The following WASL variants were observed in gnomAD, a reference collection of about 807,000 sequenced individuals.
WASL encodes the protein actin nucleation-promoting factor WASL.
Under a neutral mutation model 55.5 loss-of-function variants are expected in WASL, and 20 were observed. That is an observed-to-expected ratio of 0.36 (90% CI 0.25 to 0.52). WASL has a LOEUF of 0.52. Ranked by LOEUF, WASL falls within the 20% of genes least tolerant of loss-of-function variation. WASL has a pLI of 0.92. For synonymous variants in WASL, 249 were observed against 217.6 expected (o/e 1.14, Z -1.27); for missense variants, 504 against 622.5 (o/e 0.81, Z 2.03).
chr7:123,704,790 C>A, intron 4 of WASL, 133 bp from the exon 5 acceptor site: 1 of 493,636 alleles, frequency 2.0e-6, no homozygotes, highest in Non-Finnish European at 3.5e-6. Flanking sequence ...TCAGAAGACC[C>A]GACATTTAAG....
chr7:123,709,318 C>G, intron 1 of WASL, 95 bp from the exon 2 acceptor site: 1 of 1,029,386 alleles, frequency 9.7e-7, no homozygotes, highest in Non-Finnish European at 1.3e-6. Flanking sequence ...CCCAGCTAAG[C>G]TGCTCCTAAA....
chr7:123,736,348 C>G (rs957665568), intron 1 of WASL, among the ~76,000 whole-genome samples: 8 of 152,116 alleles, frequency 5.3e-5, no homozygotes, highest in African/African-American at 1.9e-4. Flanking sequence ...TAGATTTAGA[C>G]AGATGAATTA....
chr7:123,745,086 T>C (rs1307402970), intron 1 of WASL, among the ~76,000 whole-genome samples: 1 of 152,160 alleles, frequency 6.6e-6, no homozygotes, highest in Non-Finnish European at 1.5e-5. Flanking sequence ...AGAATAAAAA[T>C]ATGTTTCTGT....
At chr7:123,709,066 A>C (rs1204099686) in intron 2 of WASL, 23 bp downstream of exon 2, 1 of 1,587,108 alleles carries the variant, frequency 6.3e-7, no homozygotes, top group Non-Finnish European at 8.6e-7. Context: ...CCTAGTTTAA[A>C]GTGAAAGCAA....
At position 123,689,164 on chromosome 7, in the gene WASL, G is replaced by A; in HGVS notation, c.1348-14C>T. On this transcript the variant is annotated splice_polypyrimidine_tract_variant and intron_variant, in intron 9 of 10. Transcript: ENST00000223023. The stretch of plus-strand genomic sequence containing the variant: ...GCCATCAGCCACCTTGGAAAAGAAA[G>A]TTAGCAAAACTCAGTAATAAATCTT... 1 of 1,606,268 alleles carries A rather than the reference G, an allele frequency of 6.2e-7. No homozygotes were observed. The highest frequency in any genetic ancestry group is 8.5e-7 in the Non-Finnish European group (1 of 1,173,602).
chr7:123,736,531 T>G (rs945395484), intron 1 of WASL, among the ~76,000 whole-genome samples: 1 of 152,170 alleles, frequency 6.6e-6, no homozygotes, highest in Admixed American at 6.5e-5. Context: ...TAATAGTCGG[T>G]AGGGCTACGT....
rs1803924452 is a variant in WASL, at chr7:123,720,401, G to T, written c.118-11178C>A. The stretch of plus-strand genomic sequence containing the variant: ...AATGATAAGATGAACAAGATACACT[G>T]TTATCTGAATAAAAGGCAAGATGTA... On this transcript the variant is annotated intron_variant, in intron 1 of 10. Coordinates refer to ENST00000223023, the MANE Select transcript of WASL (RefSeq NM_003941.4). The T allele has an allele frequency of 1.8e-5, 8 of 432,548 alleles. No homozygotes were observed. In the Middle Eastern group the frequency reaches 2.4e-3, roughly 130 times the overall value. The allele number at this position is 432,548 out of a possible 1,614,324, so 26.8% of individuals were successfully genotyped here. A position where few individuals can be genotyped will look rare whatever the true frequency, so the allele number is the denominator to read the frequency against.
chr7:123,689,278 G>C, intron 9 of WASL, 128 bp from the exon 10 acceptor site: 1 of 668,038 alleles, frequency 1.5e-6, no homozygotes, highest in Admixed American at 2.7e-5. Flanking sequence ...ACTGGCAAGC[G>C]CAGGACAAGA....
chr7:123,718,842 C>T (rs897681122), intron 1 of WASL, among the ~76,000 whole-genome samples: 10 of 152,202 alleles, frequency 6.6e-5, no homozygotes, highest in Admixed American at 5.2e-4. Flanking sequence ...TTAATCTAAA[C>T]CTGTTTTCCT....
At chr7:123,727,384 A>ACAC (rs1584870324) in intron 1 of WASL, among the ~76,000 whole-genome samples, 1 of 83,334 alleles carries the variant, frequency 1.2e-5, no homozygotes, top group Non-Finnish European at 2.5e-5. Context: ...CACACACACA[A>ACAC]ACTTATACAA....
At chr7:123,716,476 G>C (rs1803843760) in intron 1 of WASL, among the ~76,000 whole-genome samples, 1 of 151,858 alleles carries the variant, frequency 6.6e-6, no homozygotes, top group African/African-American at 2.4e-5. Flanking sequence ...ACGATTGCTT[G>C]AACTCAGGCG....
intron 1 of WASL, among the ~76,000 whole-genome samples, chr7:123,736,701 TGTATATATAAGAAAA>T (rs1437919355): frequency 5.3e-5 from 8 of 152,114 alleles, no homozygotes; most frequent in Non-Finnish European, 1.2e-4. Context: ...AAATGGGTAA[TGTATATATAAGAAAA>T]GTATAAAAGT....
chr7:123,684,560 C>T lies in WASL; in HGVS notation c.1477G>A (p.Asp493Asn). Residue 493 changes from aspartate to asparagine, a missense_variant, in exon 11 of 11, where the codon GAT (aspartate) becomes AAT (asparagine). Asp to Asn is a conservative substitution (Grantham distance 23). This residue lies in a region of WASL where 53 missense variants were observed against 69.1 expected (regional missense o/e 0.77). Coordinates refer to ENST00000223023, the MANE Select transcript of WASL (RefSeq NM_003941.4). The part of the protein sequence containing the change: ...HSSDEDEDED[D>N]EEDFEDDDEW... ...TCATCATCCTCAAAATCTTCTTCATCATCTTCATCTTCATCTTCATCTACA... is the reference window on the plus strand; with the variant it reads ...TCATCATCCTCAAAATCTTCTTCATTATCTTCATCTTCATCTTCATCTACA... 1 of 1,417,182 alleles carries T rather than the reference C, an allele frequency of 7.1e-7. No individual in the cohort carries two copies. Among genetic ancestry groups the T allele is most frequent in the Non-Finnish European group, 9.7e-7 (1 of 1,033,304 alleles). The allele number at this position is 1,417,182 out of a possible 1,614,324, so 87.8% of individuals were successfully genotyped here.
At chr7:123,746,729 C>G (rs1456265810) in intron 1 of WASL, among the ~76,000 whole-genome samples, 1 of 152,210 alleles carries the variant, frequency 6.6e-6, no homozygotes, top group Non-Finnish European at 1.5e-5. Context: ...TTACACTAAC[C>G]AATGTGCAAC....
chr7:123,746,541 T>A lies in WASL; in HGVS notation c.117+2077A>T, dbSNP rs781239193. 5.9e-5 allele frequency among the ~76,000 whole-genome samples: 9 copies of A among 152,330 alleles called. No homozygotes were observed. In the South Asian group the frequency reaches 6.2e-4, roughly 11 times the overall value. Reference sequence around the variant, plus strand: ...AATTAAAATATCACTCTTACTTCACTCTCTATTAACTAGGGACTTCAAATA... The same window carrying A: ...AATTAAAATATCACTCTTACTTCACACTCTATTAACTAGGGACTTCAAATA... On this transcript the variant is annotated intron_variant, in intron 1 of 10. Transcript: ENST00000223023.
intron 10 of WASL, among the ~76,000 whole-genome samples, chr7:123,684,860 A>C (rs1803262745): frequency 6.6e-6 from 1 of 151,968 alleles, no homozygotes; most frequent in Non-Finnish European, 1.5e-5. Context: ...ATCTGGGTTG[A>C]CCTTTCTGTC....
chr7:123,687,327 G>C (rs949922072), intron 10 of WASL, among the ~76,000 whole-genome samples: 1 of 152,074 alleles, frequency 6.6e-6, no homozygotes, highest in African/African-American at 2.4e-5. Flanking sequence ...AAAAGCTAGT[G>C]CACTTTCAGG....
At chr7:123,748,141 G>A (rs1425032495) in intron 1 of WASL, among the ~76,000 whole-genome samples, 1 of 152,022 alleles carries the variant, frequency 6.6e-6, no homozygotes, top group Non-Finnish European at 1.5e-5. Flanking sequence ...ATTCCCTCCT[G>A]GAATCCTAAT....
rs1803495761 is a variant in WASL, at chr7:123,696,572, G to A, written c.629+7C>T. The A allele has an allele frequency of 3.8e-6, 6 of 1,567,342 alleles. No individual in the cohort carries two copies. The highest frequency in any genetic ancestry group is 5.2e-6 in the Non-Finnish European group (6 of 1,159,192). ...TGAAGATAAGAACAACAAAAGAACTGTCTTACTGGAAATTGCTTGGTGTTC... is the reference window on the plus strand; with the variant it reads ...TGAAGATAAGAACAACAAAAGAACTATCTTACTGGAAATTGCTTGGTGTTC... On this transcript the variant is annotated splice_region_variant and intron_variant, in intron 6 of 10. Coordinates refer to ENST00000223023, the MANE Select transcript of WASL (RefSeq NM_003941.4).
Sources: gnomAD v4.1 joint callset for allele counts (sites outside exome capture counted in the v4.1 genomes callset) on GRCh38, gnomAD v4.1.1 for gene constraint, gnomAD v4.1.1 regional missense constraint, MANE v1.5 for transcripts, NCBI Gene and HGNC (gene_info 2026-07-23, HGNC 2026-07-21) for gene names.